Variants in CTNNA2 observed in about 807,000 individuals in gnomAD.
CTNNA2 encodes catenin alpha 2, also known as catenin alpha-2.
In CTNNA2, 42 loss-of-function variants were observed where a neutral mutation model predicts 101.0. That is an observed-to-expected ratio of 0.42 (90% CI 0.32 to 0.54). The LOEUF is 0.54. CTNNA2 is among the 20% of genes least tolerant of loss of function. CTNNA2 has a pLI of 0.14. For synonymous variants in CTNNA2, 450 were observed against 456.4 expected, an observed-to-expected ratio of 0.99 and a Z score of 0.18; for missense variants, 871 against 1,223.1, an observed-to-expected ratio of 0.71 and a Z score of 4.29.
intron 4 of CTNNA2, among the ~76,000 whole-genome samples, chr2:79,439,508 A>G (rs1678754848): frequency 6.6e-6 from 1 of 152,210 alleles, no homozygotes; most frequent in Admixed American, 6.5e-5. Context: ...GTGGTTGCAC[A>G]CTTCTGTAAA....
chr2:80,032,611 A>C (rs879494135), intron 7 of CTNNA2, among the ~76,000 whole-genome samples: 1 of 152,224 alleles, frequency 6.6e-6, no homozygotes, highest in Admixed American at 6.5e-5. Flanking sequence ...GTTAATACTT[A>C]AACAATTAGT....
chr2:80,166,726 G>A (rs569222025), intron 7 of CTNNA2, among the ~76,000 whole-genome samples: 2 of 152,236 alleles, frequency 1.3e-5, no homozygotes, highest in South Asian at 4.2e-4. Context: ...AGCTGGGAGG[G>A]GTGCAGTCTT....
intron 9 of CTNNA2, among the ~76,000 whole-genome samples, chr2:80,445,036 T>C (rs1002476806): frequency 6.6e-6 from 1 of 152,162 alleles, no homozygotes; most frequent in African/African-American, 2.4e-5. Context: ...TCTCTTAAGT[T>C]CACAATTTGA....
chr2:79,921,089 C>T (rs1686620697), intron 7 of CTNNA2, among the ~76,000 whole-genome samples: 1 of 152,118 alleles, frequency 6.6e-6, no homozygotes, highest in South Asian at 2.1e-4. Context: ...AGACAAGGGT[C>T]ACAGTTAAGC....
At chr2:80,165,233 T>A (rs1195473745) in intron 7 of CTNNA2, among the ~76,000 whole-genome samples, 3 of 150,816 alleles carry the variant, frequency 2.0e-5, no homozygotes, top group Non-Finnish European at 3.0e-5. Flanking sequence ...ATTAATTTAT[T>A]TTTTTTTTCA....
At chr2:79,348,751 T>C (rs1677318550) in intron 3 of CTNNA2, among the ~76,000 whole-genome samples, 1 of 152,220 alleles carries the variant, frequency 6.6e-6, no homozygotes, top group Non-Finnish European at 1.5e-5. Context: ...ATGATTTATA[T>C]TTGCCTCCAT....
intron 7 of CTNNA2, among the ~76,000 whole-genome samples, chr2:80,247,581 G>A (rs190979507): frequency 2.6e-4 from 39 of 152,258 alleles, no homozygotes; most frequent in African/African-American, 7.5e-4. Context: ...ATAGTGCCAC[G>A]TCTTCTGCTT....
intron 9 of CTNNA2, among the ~76,000 whole-genome samples, chr2:80,489,070 C>T (rs1007372831): frequency 6.6e-6 from 1 of 152,106 alleles, no homozygotes; most frequent in Non-Finnish European, 1.5e-5. Context: ...TTACTTCTGT[C>T]TTTGCATGTA....
chr2:80,124,611 A>G (rs1244304440), intron 7 of CTNNA2, among the ~76,000 whole-genome samples: 1 of 152,190 alleles, frequency 6.6e-6, no homozygotes, highest in Non-Finnish European at 1.5e-5. Context: ...GTGTGAAGAC[A>G]TTGGTATTTG....
At chr2:79,375,556 T>C (rs1464513217) in intron 4 of CTNNA2, among the ~76,000 whole-genome samples, 1 of 152,090 alleles carries the variant, frequency 6.6e-6, no homozygotes, top group African/African-American at 2.4e-5. Flanking sequence ...GCTAAGAATA[T>C]AAGAAATACT....
chr2:80,018,636 C>A (rs1694319749), intron 7 of CTNNA2, among the ~76,000 whole-genome samples: 1 of 152,042 alleles, frequency 6.6e-6, no homozygotes, highest in South Asian at 2.1e-4. Flanking sequence ...AAAAAATTAG[C>A]CGGGCGTGGT....
intron 1 of CTNNA2, among the ~76,000 whole-genome samples, chr2:79,616,233 C>T (rs998104838): frequency 1.1e-4 from 16 of 152,024 alleles, no homozygotes; most frequent in Admixed American, 9.2e-4. Context: ...TGGCATATTG[C>T]TAGATTTTTT....
intron 7 of CTNNA2, among the ~76,000 whole-genome samples, chr2:80,332,444 T>C (rs1019005435): frequency 3.9e-5 from 6 of 152,118 alleles, no homozygotes; most frequent in African/African-American, 1.4e-4. Context: ...TGTCCATGAT[T>C]GTGAAAAGGC....
chr2:79,852,274 T>C (rs543869618), intron 3 of CTNNA2, among the ~76,000 whole-genome samples: 59 of 152,312 alleles, frequency 3.9e-4, no homozygotes, highest in African/African-American at 1.4e-3. Flanking sequence ...ATGTGAATGC[T>C]CTTTTGGCTT....
chr2:80,540,468 G>A (rs534399756), intron 9 of CTNNA2, among the ~76,000 whole-genome samples: 12 of 151,978 alleles, frequency 7.9e-5, no homozygotes, highest in African/African-American at 1.4e-4. Context: ...GTAGTGTTGG[G>A]TGCCTGTAAC....
chr2:79,972,398 T>C (rs1251984179), intron 7 of CTNNA2, among the ~76,000 whole-genome samples: 2 of 152,142 alleles, frequency 1.3e-5, no homozygotes, highest in African/African-American at 4.8e-5. Flanking sequence ...ATGCTGCACA[T>C]TGGAAAATTT....
chr2:79,506,179 G>A (rs1352416622), intron 5 of CTNNA2, among the ~76,000 whole-genome samples: 1 of 152,198 alleles, frequency 6.6e-6, no homozygotes, highest in East Asian at 1.9e-4. Flanking sequence ...GCATTTGTAT[G>A]TAAATAAGGA....
chr2:79,715,435 C>A (rs1686028794), intron 2 of CTNNA2, among the ~76,000 whole-genome samples: 1 of 151,952 alleles, frequency 6.6e-6, no homozygotes, highest in African/African-American at 2.4e-5. Context: ...AAAGAATCTT[C>A]CAATGAATAA....
chr2:79,706,326 G>A (rs1394701036), intron 2 of CTNNA2, among the ~76,000 whole-genome samples: 1 of 133,202 alleles, frequency 7.5e-6, no homozygotes, highest in East Asian at 2.3e-4. Context: ...TCACGCCACT[G>A]CACTCCGCCC....
Sources: allele counts gnomAD v4.1 joint callset (sites outside exome capture counted in the v4.1 genomes callset), GRCh38; gene constraint gnomAD v4.1.1; transcripts MANE v1.5; gene names NCBI Gene and HGNC (gene_info 2026-07-23, HGNC 2026-07-21).